Variants in PCDHGA12 observed in about 807,000 individuals in gnomAD.
The protein encoded by PCDHGA12 is protocadherin gamma subfamily A, 12, also known as protocadherin gamma-A12.
Under a neutral mutation model 61.1 loss-of-function variants are expected in PCDHGA12, and 43 were observed. The observed-to-expected ratio is 0.70, with a 90% confidence interval of 0.55 to 0.91. The LOEUF (loss-of-function observed/expected upper bound fraction) is 0.91. Among genes scored for constraint, PCDHGA12 ranks in the 40% least tolerant of loss-of-function variants. The probability of loss-of-function intolerance (pLI) is 0.00; values close to 1 mark genes in which losing one functional copy is unlikely to be tolerated. For synonymous variants in PCDHGA12, 520 were observed against 542.9 expected, an observed-to-expected ratio of 0.96 and a Z score of 0.59; for missense variants, 1,236 against 1,227.7, an observed-to-expected ratio of 1.01 and a Z score of -0.10.
At chr5:141,437,460 T>C (rs2097886220) in intron 1 of PCDHGA12, among the ~76,000 whole-genome samples, 1 of 152,230 alleles carries the variant, frequency 6.6e-6, no homozygotes, top group South Asian at 2.1e-4. Flanking sequence ...GAGACTATAC[T>C]ATACTTTTAT....
At chr5:141,469,893 A>G (rs2099214569) in intron 1 of PCDHGA12, among the ~76,000 whole-genome samples, 1 of 152,200 alleles carries the variant, frequency 6.6e-6, no homozygotes, top group South Asian at 2.1e-4. Context: ...CACTTTGGGA[A>G]GCCGAGGCAG....
chr5:141,471,977 A>G (rs1487329441), intron 1 of PCDHGA12, among the ~76,000 whole-genome samples: 1 of 152,212 alleles, frequency 6.6e-6, no homozygotes, highest in Non-Finnish European at 1.5e-5. Context: ...ATTACTGTAT[A>G]AATTTATTAA....
intron 2 of PCDHGA12, 143 bp downstream of exon 2, chr5:141,495,008 G>A (rs2099758236): frequency 6.6e-7 from 1 of 1,521,900 alleles, no homozygotes; most frequent in Non-Finnish European, 8.8e-7. Context: ...TGGTGTGCGG[G>A]GGGCTGGCAC....
intron 3 of PCDHGA12, 99 bp from the exon 4 acceptor site, chr5:141,510,848 G>A: frequency 6.3e-7 from 1 of 1,596,080 alleles, no homozygotes. Flanking sequence ...TCAAGGCCCA[G>A]GGTGCTGTAT....
At chr5:141,510,658 A>G (rs1162885805) in intron 3 of PCDHGA12, among the ~76,000 whole-genome samples, 1 of 152,178 alleles carries the variant, frequency 6.6e-6, no homozygotes, top group African/African-American at 2.4e-5. Context: ...CATTTTGCAG[A>G]TGAGAAAACT....
intron 1 of PCDHGA12, among the ~76,000 whole-genome samples, chr5:141,436,832 C>T (rs1242760381): frequency 6.6e-6 from 1 of 152,172 alleles, no homozygotes; most frequent in African/African-American, 2.4e-5. Flanking sequence ...ATCTTAAGTG[C>T]CTAGGCACAT....
rs1412265811 is a variant in PCDHGA12, at chr5:141,461,565, A to G, written c.2424+28382A>G. Among the ~76,000 whole-genome samples the G allele has an allele frequency of 2.6e-5, 4 of 152,178 alleles. No individual in the cohort carries two copies. The East Asian group carries it at 7.7e-4, about 29-fold the overall frequency. On this transcript the variant is annotated intron_variant, in intron 1 of 3. Coordinates refer to ENST00000252085, the MANE Select transcript of PCDHGA12 (RefSeq NM_003735.3). ...CCTTTGTCAGATGTGTACTTTGCAA[A>G]GATAATATTTTGGATGTTATATTTC...
At position 141,487,666 on chromosome 5, in the gene PCDHGA12, C is replaced by T. The variant is rs2099657736; in HGVS notation, c.2425-7141C>T. 1 of 1,612,838 alleles carries T rather than the reference C, an allele frequency of 6.2e-7. No homozygotes were observed. Among genetic ancestry groups the T allele is most frequent in the South Asian group, 1.1e-5 (1 of 90,712 alleles). Reference sequence around the variant, plus strand: ...TGCTTGAGGGTTATTCTGATCCAGGCATATGGCTAGGCCATGTCCTAGAGA... The same window carrying T: ...TGCTTGAGGGTTATTCTGATCCAGGTATATGGCTAGGCCATGTCCTAGAGA... On this transcript the variant is annotated intron_variant, in intron 1 of 3. Coordinates refer to ENST00000252085, the MANE Select transcript of PCDHGA12 (RefSeq NM_003735.3). This position sits in a 1 kb window ranked among gnomAD's most constrained non-coding sequence, Gnocchi z 5.0.
chr5:141,495,412 G>A lies in PCDHGA12; in HGVS notation c.2483+547G>A, dbSNP rs188302135. 2.2e-4 allele frequency among the ~76,000 whole-genome samples: 33 copies of A among 152,284 alleles called. No homozygotes were observed. The East Asian group carries it at 6.4e-3, about 29-fold the overall frequency. ...GGCATGGAGCAGGCCCCCTTCTCCG[G>A]CCCCTCCTCCCACTGTCCTCTGCCC... On this transcript the variant is annotated intron_variant, in intron 2 of 3. Coordinates refer to ENST00000252085, the MANE Select transcript of PCDHGA12 (RefSeq NM_003735.3).
rs748115530 is a variant in PCDHGA12 at position 141,489,429 on chromosome 5, G to C, written c.2425-5378G>C. 5 of 1,614,022 alleles carry C rather than the reference G, an allele frequency of 3.1e-6. No individual in the cohort carries two copies. The East Asian group carries it at 8.9e-5, about 29-fold the overall frequency. ...AGATGACAGATCTGTTGAGCCGGCG[G>C]CTGCAATTGGGCTCTGAGGAGAATG... On this transcript the variant is annotated intron_variant, in intron 1 of 3. Transcript: ENST00000252085. The surrounding 1 kb of genome is among the most constrained non-coding windows in gnomAD (Gnocchi z 4.5).
At chr5:141,452,781 A>G (rs575869415) in intron 1 of PCDHGA12, among the ~76,000 whole-genome samples, 10 of 152,302 alleles carry the variant, frequency 6.6e-5, no homozygotes, top group African/African-American at 2.4e-4. Flanking sequence ...CTGAGAAAGT[A>G]ACATACCATC....
At chr5:141,495,419 C>A (rs1434107823) in intron 2 of PCDHGA12, among the ~76,000 whole-genome samples, 1 of 152,228 alleles carries the variant, frequency 6.6e-6, no homozygotes, top group Non-Finnish European at 1.5e-5. Context: ...CCGGCCCCTC[C>A]TCCCACTGTC....
At chr5:141,438,883 C>T (rs1026043786) in intron 1 of PCDHGA12, among the ~76,000 whole-genome samples, 4 of 151,728 alleles carry the variant, frequency 2.6e-5, no homozygotes, top group Non-Finnish European at 5.9e-5. Context: ...CCAGGCTGCT[C>T]TTGAACTCCT....
rs562192762 is a variant in PCDHGA12, at chr5:141,485,718, T to C, written c.2425-9089T>C. 1 of 1,614,058 alleles carries C rather than the reference T, an allele frequency of 6.2e-7. No homozygotes were observed. The highest frequency in any genetic ancestry group is 2.2e-5 in the East Asian group (1 of 44,866). On this transcript the variant is annotated intron_variant, in intron 1 of 3. Coordinates refer to ENST00000252085, the MANE Select transcript of PCDHGA12 (RefSeq NM_003735.3). This position sits in a 1 kb window ranked among gnomAD's most constrained non-coding sequence, Gnocchi z 5.7. ...TCCAATGAACACTTTGCACTGGATG[T>C]GAAGAAGCGCAGCGACGGCAGCCTG...
At chr5:141,478,442 C>G (rs1245219009) in intron 1 of PCDHGA12, 1 of 1,613,608 alleles carries the variant, frequency 6.2e-7, no homozygotes, top group Non-Finnish European at 8.5e-7. Flanking sequence ...GCTGAAGAAA[C>G]CTGGTGCAGC....
In PCDHGA12 at chr5:141,489,412, G is replaced by C; in HGVS notation, c.2425-5395G>C. On this transcript the variant is annotated intron_variant, in intron 1 of 3. Coordinates refer to ENST00000252085, the MANE Select transcript of PCDHGA12 (RefSeq NM_003735.3). The surrounding 1 kb of genome is among the most constrained non-coding windows in gnomAD (Gnocchi z 4.5). ...TCAGGATCTGGGCTTAAAGATGACAGATCTGTTGAGCCGGCGGCTGCAATT... is the reference window on the plus strand; with the variant it reads ...TCAGGATCTGGGCTTAAAGATGACACATCTGTTGAGCCGGCGGCTGCAATT... The C allele has an allele frequency of 6.2e-7, 1 of 1,614,172 alleles. No individual in the cohort carries two copies. Among genetic ancestry groups the C allele is most frequent in the Non-Finnish European group, 8.5e-7 (1 of 1,180,040 alleles).
At position 141,431,274 on chromosome 5, in the gene PCDHGA12, TC is replaced by T. The variant is rs767658803; in HGVS notation, c.516del (p.Ser173AlafsTer24). On this transcript the variant is annotated frameshift_variant, in exon 1 of 4. Transcript: ENST00000252085. LOFTEE classifies it high-confidence loss of function. The surrounding 1 kb of genome is among the most constrained non-coding windows in gnomAD (Gnocchi z 4.8). ...AAGAACTCTCTGCAGAGCTACGAGC[TC>T]AGCCCGAACACTCACTTCTCCCTCA... ...IGKNSLQSYE[L>X]SPNTHFSLIV... 6 of 1,614,128 alleles carry T rather than the reference TC, an allele frequency of 3.7e-6. No homozygotes were observed. Among genetic ancestry groups the T allele is most frequent in the Non-Finnish European group, 5.1e-6 (6 of 1,180,024 alleles).
At position 141,494,872 on chromosome 5, in the gene PCDHGA12, G is replaced by T. The variant is rs917132299; in HGVS notation, c.2483+7G>T. On this transcript the variant is annotated splice_region_variant and intron_variant, in intron 2 of 3. Transcript: ENST00000252085. The stretch of plus-strand genomic sequence containing the variant: ...AGAGACCCGGCACCAGCGGGTAGGT[G>T]ACTGATTCTCCAGCCCACCCTCTTC... 7 of 1,614,010 alleles carry T rather than the reference G, an allele frequency of 4.3e-6. No homozygotes were observed. The highest frequency in any genetic ancestry group is 1.3e-5 in the African/African-American group (1 of 74,910).
At chr5:141,478,444 T>C (rs1190996745) in intron 1 of PCDHGA12, 1 of 1,613,478 alleles carries the variant, frequency 6.2e-7, no homozygotes, top group Non-Finnish European at 8.5e-7. Flanking sequence ...TGAAGAAACC[T>C]GGTGCAGCCA....
Sources: allele counts gnomAD v4.1 joint callset (sites outside exome capture counted in the v4.1 genomes callset), GRCh38; gene constraint gnomAD v4.1.1; non-coding constraint Gnocchi (gnomAD v3.1); transcripts MANE v1.5; gene names NCBI Gene and HGNC (gene_info 2026-07-23, HGNC 2026-07-21).